The following MACROD2 variants were observed in gnomAD, a reference collection of about 807,000 sequenced individuals.
The protein encoded by MACROD2 is ADP-ribose glycohydrolase MACROD2.
MACROD2 carries 36 observed loss-of-function variants against 70.4 expected under a neutral mutation model. The ratio of observed to expected loss-of-function variants is 0.51; its 90% confidence interval spans 0.39 to 0.68. The LOEUF is 0.68. Ranked by LOEUF, MACROD2 falls within the 30% of genes least tolerant of loss-of-function variation. The pLI, the probability that MACROD2 is intolerant of heterozygous loss-of-function variation, is 0.00. For synonymous variants in MACROD2, 172 were observed against 178.8 expected, an observed-to-expected ratio of 0.96 and a Z score of 0.30; for missense variants, 496 against 538.4, an observed-to-expected ratio of 0.92 and a Z score of 0.78.
chr20:15,407,707 G>A (rs1274821746), intron 6 of MACROD2, among the ~76,000 whole-genome samples: 1 of 152,138 alleles, frequency 6.6e-6, no homozygotes, highest in Non-Finnish European at 1.5e-5. Flanking sequence ...GATAATAAGA[G>A]TACCTATTTG....
At chr20:14,101,500 C>G (rs929387773) in intron 3 of MACROD2, among the ~76,000 whole-genome samples, 23 of 152,022 alleles carry the variant, frequency 1.5e-4, no homozygotes, top group Middle Eastern at 3.4e-3. Context: ...TTAAATTTGG[C>G]TAATTATAAG....
intron 8 of MACROD2, among the ~76,000 whole-genome samples, chr20:15,750,064 C>T (rs2051245275): frequency 6.6e-6 from 1 of 151,990 alleles, no homozygotes; most frequent in African/African-American, 2.4e-5. Context: ...AAGAGACAAC[C>T]TACAGAATGG....
intron 3 of MACROD2, among the ~76,000 whole-genome samples, chr20:14,391,567 A>G (rs989804229): frequency 2.0e-5 from 3 of 152,004 alleles, no homozygotes; most frequent in African/African-American, 4.8e-5. Context: ...ACAAACTTCC[A>G]TGACACAAGT....
chr20:14,753,272 T>A (rs2071898458), intron 5 of MACROD2, among the ~76,000 whole-genome samples: 4 of 152,076 alleles, frequency 2.6e-5, no homozygotes, highest in Admixed American at 2.6e-4. Context: ...TAATGATTAT[T>A]TCATGAAAAT....
intron 12 of MACROD2, among the ~76,000 whole-genome samples, chr20:15,941,654 T>C (rs976440521): frequency 6.6e-6 from 1 of 152,220 alleles, no homozygotes; most frequent in Non-Finnish European, 1.5e-5. Context: ...GCTCTGCAGT[T>C]ATAAGATTGC....
intron 5 of MACROD2, among the ~76,000 whole-genome samples, chr20:14,999,868 C>A (rs981577098): frequency 6.6e-6 from 1 of 152,014 alleles, no homozygotes; most frequent in Non-Finnish European, 1.5e-5. Context: ...ATTTTGTATG[C>A]AATATGGGTA....
chr20:14,347,639 A>C (rs1255130770), intron 3 of MACROD2, among the ~76,000 whole-genome samples: 1 of 152,122 alleles, frequency 6.6e-6, no homozygotes, highest in Admixed American at 6.6e-5. Context: ...GCCACTTTTA[A>C]GTTTACAGGA....
intron 4 of MACROD2, among the ~76,000 whole-genome samples, chr20:14,532,035 T>C (rs2085311794): frequency 1.3e-5 from 2 of 152,186 alleles, no homozygotes; most frequent in East Asian, 3.8e-4. Context: ...ATATGGTGAT[T>C]TCAATTTGTA....
At chr20:15,136,783 G>A (rs1268033143) in intron 5 of MACROD2, among the ~76,000 whole-genome samples, 4 of 152,070 alleles carry the variant, frequency 2.6e-5, no homozygotes, top group East Asian at 1.9e-4. Context: ...GCAACCTACA[G>A]AATGGGAGAA....
At chr20:15,245,269 A>G (rs1028690987) in intron 6 of MACROD2, among the ~76,000 whole-genome samples, 9 of 152,358 alleles carry the variant, frequency 5.9e-5, no homozygotes, top group African/African-American at 1.7e-4. Context: ...TTGGTTCAAC[A>G]TAAGGATGAT....
chr20:14,292,285 C>T (rs1328726379), intron 3 of MACROD2, among the ~76,000 whole-genome samples: 2 of 151,752 alleles, frequency 1.3e-5, no homozygotes, highest in African/African-American at 4.9e-5. Context: ...TAATTTTGTC[C>T]TTGGGAGACA....
rs1050467391 is a variant in MACROD2, at chr20:15,534,715, T to G, written c.645+34868T>G. Reference sequence around the variant, plus strand: ...CAACAGTATAATTTTTAGCAATTCATGTAGATTTGATGCCAGACCTGGCTG... The same window carrying G: ...CAACAGTATAATTTTTAGCAATTCAGGTAGATTTGATGCCAGACCTGGCTG... On this transcript the variant is annotated intron_variant, in intron 8 of 17. Coordinates refer to ENST00000684519, the MANE Select transcript of MACROD2 (RefSeq NM_001351661.2). 3.9e-5 allele frequency among the ~76,000 whole-genome samples: 6 copies of G among 152,284 alleles called. No individual in the cohort carries two copies. In the South Asian group the frequency reaches 6.2e-4, roughly 16 times the overall value.
chr20:14,799,270 C>G (rs367734508), intron 5 of MACROD2, among the ~76,000 whole-genome samples: 2 of 151,930 alleles, frequency 1.3e-5, no homozygotes, highest in South Asian at 2.1e-4. Context: ...CTTGATGAAG[C>G]CCTTACTTAT....
intron 4 of MACROD2, among the ~76,000 whole-genome samples, chr20:14,598,516 GCC>G (rs1055072547): frequency 6.6e-6 from 1 of 151,990 alleles, no homozygotes; most frequent in African/African-American, 2.4e-5. Flanking sequence ...GATTTTTTAT[GCC>G]CCGTGCATAA....
chr20:14,009,339 C>T (rs940564690), intron 2 of MACROD2, among the ~76,000 whole-genome samples: 3 of 152,074 alleles, frequency 2.0e-5, no homozygotes, highest in South Asian at 4.1e-4. Flanking sequence ...ATACATGTGG[C>T]CAACAAACAT....
At chr20:14,918,018 G>A (rs2074114097) in intron 5 of MACROD2, among the ~76,000 whole-genome samples, 1 of 152,212 alleles carries the variant, frequency 6.6e-6, no homozygotes, top group Admixed American at 6.5e-5. Context: ...TGTTGCCCAG[G>A]CTGGAGTGCA....
chr20:14,765,289 G>T (rs1474264921), intron 5 of MACROD2, among the ~76,000 whole-genome samples: 1 of 152,032 alleles, frequency 6.6e-6, no homozygotes, highest in African/African-American at 2.4e-5. Flanking sequence ...ACACACAGGA[G>T]TTGGCAGAAA....
chr20:14,442,062 G>C (rs1333316058), intron 3 of MACROD2, among the ~76,000 whole-genome samples: 2 of 152,028 alleles, frequency 1.3e-5, no homozygotes, highest in Non-Finnish European at 2.9e-5. Context: ...CTGAGGTCAG[G>C]AGTTTGAGAC....
chr20:15,550,982 G>A (rs983358546), intron 8 of MACROD2, among the ~76,000 whole-genome samples: 12 of 152,090 alleles, frequency 7.9e-5, no homozygotes, highest in African/African-American at 1.9e-4. Flanking sequence ...TTTATCCAGC[G>A]TGCCTGCAGA....
Sources: allele counts gnomAD v4.1 joint callset (sites outside exome capture counted in the v4.1 genomes callset), GRCh38; gene constraint gnomAD v4.1.1; transcripts MANE v1.5; gene names NCBI Gene and HGNC (gene_info 2026-07-23, HGNC 2026-07-21).